SH2D4A: variants seen among roughly 807,000 people sequenced by gnomAD.
SH2D4A encodes the protein SH2 domain containing 4A.
Under a neutral mutation model 64.7 loss-of-function variants are expected in SH2D4A, and 70 were observed. That is an observed-to-expected ratio of 1.08 (90% CI 0.89 to 1.32). The LOEUF (loss-of-function observed/expected upper bound fraction) is 1.32, where lower values mean the gene tolerates loss of function less well. SH2D4A is among the 40% of genes most tolerant of loss of function. SH2D4A has a pLI of 0.00. For synonymous variants in SH2D4A, 268 were observed against 200.7 expected (o/e 1.34, Z -2.83); for missense variants, 706 against 540.1 (o/e 1.31, Z -3.04).
intron 7 of SH2D4A, among the ~76,000 whole-genome samples, chr8:19,369,199 G>C (rs112486328): frequency 1.3e-5 from 2 of 151,984 alleles, no homozygotes; most frequent in African/African-American, 4.8e-5. Flanking sequence ...CATGGTGAAG[G>C]ATGTTTTTGA....
intron 8 of SH2D4A, among the ~76,000 whole-genome samples, chr8:19,392,484 G>T (rs2053508491): frequency 6.6e-6 from 1 of 152,042 alleles, no homozygotes; most frequent in African/African-American, 2.4e-5. Context: ...CTCCATCCAT[G>T]ACAACCAAAG....
chr8:19,383,830 A>G (rs916344998), intron 8 of SH2D4A, among the ~76,000 whole-genome samples: 1 of 152,148 alleles, frequency 6.6e-6, no homozygotes, highest in African/African-American at 2.4e-5. Context: ...GGAAAAAATT[A>G]AGGAGGAGGG....
intron 4 of SH2D4A, among the ~76,000 whole-genome samples, chr8:19,343,341 G>A (rs1249784134): frequency 6.6e-6 from 1 of 152,166 alleles, no homozygotes; most frequent in Non-Finnish European, 1.5e-5. Flanking sequence ...GCCGAGGAGG[G>A]AGGATTGCTT....
intron 4 of SH2D4A, among the ~76,000 whole-genome samples, chr8:19,344,371 C>G (rs2052579354): frequency 6.6e-6 from 1 of 152,168 alleles, no homozygotes; most frequent in Non-Finnish European, 1.5e-5. Flanking sequence ...AGGGGCCAAT[C>G]TTTGTACCTG....
intron 1 of SH2D4A, among the ~76,000 whole-genome samples, chr8:19,314,739 A>G (rs1310001506): frequency 1.3e-5 from 2 of 152,220 alleles, no homozygotes; most frequent in Admixed American, 6.5e-5. Flanking sequence ...ATAAGTGGAA[A>G]GCATACAGGG....
At chr8:19,364,502 G>A (rs1417834395) in intron 7 of SH2D4A, among the ~76,000 whole-genome samples, 3 of 151,976 alleles carry the variant, frequency 2.0e-5, no homozygotes, top group Non-Finnish European at 4.4e-5. Context: ...GTTATACTTA[G>A]TATACCCAGT....
chr8:19,325,156 C>G (rs932863050), intron 2 of SH2D4A, among the ~76,000 whole-genome samples: 1 of 152,126 alleles, frequency 6.6e-6, no homozygotes, highest in African/African-American at 2.4e-5. Flanking sequence ...GTCACCAAAA[C>G]CAGAACTCCA....
chr8:19,364,372 A>G (rs545677911), intron 7 of SH2D4A, 90 bp downstream of exon 7: 2 of 1,455,350 alleles, frequency 1.4e-6, no homozygotes, highest in South Asian at 2.5e-5. Flanking sequence ...ATGAGCTGCC[A>G]TGGGGTGTGG....
chr8:19,332,835 C>T, intron 2 of SH2D4A, 120 bp from the exon 3 acceptor site: 1 of 818,422 alleles, frequency 1.2e-6, no homozygotes. Context: ...AGTTCTTTGT[C>T]TCATCTGATA....
At chr8:19,324,794 C>A (rs2052250959) in intron 2 of SH2D4A, among the ~76,000 whole-genome samples, 2 of 152,060 alleles carry the variant, frequency 1.3e-5, no homozygotes, top group Non-Finnish European at 1.5e-5. Flanking sequence ...ACAGAGACAC[C>A]ATTCTGTGTA....
chr8:19,330,009 CTAATG>C, intron 2 of SH2D4A, among the ~76,000 whole-genome samples: 1 of 152,306 alleles, frequency 6.6e-6, no homozygotes. Flanking sequence ...AATGCATCAC[CTAATG>C]TCTTGCTCCT....
intron 1 of SH2D4A, among the ~76,000 whole-genome samples, chr8:19,314,477 G>T (rs959413504): frequency 2.0e-5 from 3 of 152,080 alleles, no homozygotes; most frequent in African/African-American, 4.8e-5. Context: ...GACCCAGACC[G>T]GGTGCCCAGT....
At chr8:19,338,978 C>G (rs1371221459) in intron 4 of SH2D4A, among the ~76,000 whole-genome samples, 5 of 152,198 alleles carry the variant, frequency 3.3e-5, no homozygotes, top group African/African-American at 4.8e-5. Flanking sequence ...AATAGGCCAT[C>G]TGCAAGCTGA....
intron 7 of SH2D4A, among the ~76,000 whole-genome samples, chr8:19,370,156 A>G (rs2053070155): frequency 6.6e-6 from 1 of 152,036 alleles, no homozygotes. Flanking sequence ...ACTTAAAACA[A>G]TTTAAGAATT....
At chr8:19,364,487 T>C (rs1257868450) in intron 7 of SH2D4A, among the ~76,000 whole-genome samples, 2 of 152,138 alleles carry the variant, frequency 1.3e-5, no homozygotes, top group East Asian at 1.9e-4. Flanking sequence ...CAAATGTCCA[T>C]AGCTGTTATA....
At chr8:19,345,000 T>C (rs2052590082) in intron 4 of SH2D4A, among the ~76,000 whole-genome samples, 1 of 152,234 alleles carries the variant, frequency 6.6e-6, no homozygotes, top group Non-Finnish European at 1.5e-5. Context: ...AGTCCATTTT[T>C]GAGCTATGGT....
At chr8:19,337,131 G>A (rs1000981241) in intron 4 of SH2D4A, among the ~76,000 whole-genome samples, 1 of 152,012 alleles carries the variant, frequency 6.6e-6, no homozygotes, top group South Asian at 2.1e-4. Flanking sequence ...GAAATAGATG[G>A]GTGACAGGTT....
chr8:19,394,133 A>G (rs2053546780), intron 9 of SH2D4A, among the ~76,000 whole-genome samples: 2 of 152,158 alleles, frequency 1.3e-5, no homozygotes, highest in Non-Finnish European at 1.5e-5. Context: ...ACAGTTCACA[A>G]TAAGGTTTGT....
chr8:19,370,338 G>A (rs905239175), intron 7 of SH2D4A, among the ~76,000 whole-genome samples: 1 of 151,988 alleles, frequency 6.6e-6, no homozygotes, highest in African/African-American at 2.4e-5. Flanking sequence ...AAAGTGGGGT[G>A]TTGAAGTCCT....
Sources: allele counts gnomAD v4.1 joint callset (sites outside exome capture counted in the v4.1 genomes callset), GRCh38; gene constraint gnomAD v4.1.1; transcripts MANE v1.5; gene names NCBI Gene and HGNC (gene_info 2026-07-23, HGNC 2026-07-21).